The following ZBTB41 variants were observed in gnomAD, a reference collection of about 807,000 sequenced individuals.
ZBTB41 encodes zinc finger and BTB domain containing 41.
In ZBTB41, 42 loss-of-function variants were observed where a neutral mutation model predicts 87.6. That is an observed-to-expected ratio of 0.48 (90% CI 0.37 to 0.62). The LOEUF (loss-of-function observed/expected upper bound fraction) is 0.62, where lower values mean the gene tolerates loss of function less well. ZBTB41 is among the 20% of genes least tolerant of loss of function. The pLI, the probability that ZBTB41 is intolerant of heterozygous loss-of-function variation, is 0.00. For synonymous variants in ZBTB41, 364 were observed against 364.0 expected, an observed-to-expected ratio of 1.00 and a Z score of 0.00; for missense variants, 799 against 1,078.9, an observed-to-expected ratio of 0.74 and a Z score of 3.63.
At chr1:197,191,333 T>TGTAGTTCC (rs1287950995) in intron 3 of ZBTB41, among the ~76,000 whole-genome samples, 39 of 151,536 alleles carry the variant, frequency 2.6e-4, no homozygotes, top group African/African-American at 7.3e-4. Flanking sequence ...GGTGCACGCC[T>TGTAGTTCC]GTAGTTCCAG....
intron 7 of ZBTB41, among the ~76,000 whole-genome samples, chr1:197,177,972 G>C (rs766363890): frequency 5.9e-5 from 9 of 151,872 alleles, no homozygotes; most frequent in Non-Finnish European, 1.0e-4. Context: ...TGCAAATATG[G>C]TCAAGGATTC....
chr1:197,177,665 TATTAAG>T (rs927106468), intron 7 of ZBTB41, among the ~76,000 whole-genome samples: 29 of 152,122 alleles, frequency 1.9e-4, no homozygotes, highest in Admixed American at 7.2e-4. Context: ...AGGCTCAGAT[TATTAAG>T]ATTAATTTAA....
rs1200411101 is a variant in ZBTB41 at position 197,158,495 on chromosome 1, T to A, written c.*864A>T. 3.3e-5 allele frequency: 5 copies of A among 152,444 alleles called. No homozygotes were observed. The highest frequency in any genetic ancestry group is 7.4e-5 in the Non-Finnish European group (5 of 67,912). 9.4% of individuals were successfully genotyped at this position (152,444 alleles called of 1,614,324 possible). On this transcript the variant is annotated 3_prime_UTR_variant, in exon 11 of 11. Coordinates refer to ENST00000367405, the MANE Select transcript of ZBTB41 (RefSeq NM_194314.3). ...TTTCATTGAGTTACAACTGCTCTTT[T>A]CTTAGTGAGATGAAGACATATGCTA...
intron 5 of ZBTB41, 103 bp downstream of exon 5, chr1:197,188,189 G>T: frequency 7.3e-7 from 1 of 1,367,172 alleles, no homozygotes; most frequent in Non-Finnish European, 1.0e-6. Context: ...CTCTTAAAAA[G>T]TCTTTTAGAA....
At position 197,155,373 on chromosome 1, in the gene ZBTB41, AT is replaced by A. The variant is rs771952401; in HGVS notation, c.*3985del. ...TCATAACACCCATAACCAAAAAAAA[AT>A]AAAAATAAAAATCTATTAATCAGTA... On this transcript the variant is annotated 3_prime_UTR_variant, in exon 11 of 11. Coordinates refer to ENST00000367405, the MANE Select transcript of ZBTB41 (RefSeq NM_194314.3). 4 of 152,302 alleles carry A rather than the reference AT, an allele frequency of 2.6e-5. No individual in the cohort carries two copies. Among genetic ancestry groups the A allele is most frequent in the Non-Finnish European group, 2.9e-5 (2 of 67,858 alleles). The allele number at this position is 152,302 out of a possible 1,614,324, so 9.4% of individuals were successfully genotyped here. A position where few individuals can be genotyped will look rare whatever the true frequency, so the allele number is the denominator to read the frequency against.
chr1:197,196,236 G>A (rs1660158944), intron 2 of ZBTB41, among the ~76,000 whole-genome samples: 2 of 152,056 alleles, frequency 1.3e-5, no homozygotes, highest in South Asian at 4.2e-4. Flanking sequence ...GAGAATAATG[G>A]GAAGGTGGCG....
chr1:197,200,627 G>C (rs11811295), intron 1 of ZBTB41, 37 bp from the exon 2 acceptor site: 16,754 of 587,170 alleles, frequency 0.029, 2,038 homozygotes, highest in African/African-American at 0.27. Flanking sequence ...ATAACTCCAT[G>C]GCAAAGCAAT....
At chr1:197,162,618 T>C (rs1346713362) in intron 10 of ZBTB41, among the ~76,000 whole-genome samples, 1 of 152,178 alleles carries the variant, frequency 6.6e-6, no homozygotes, top group Non-Finnish European at 1.5e-5. Context: ...TCATGGCTCT[T>C]ACTGATGAGA....
rs1254069355 is a variant in ZBTB41, at chr1:197,191,688, T to C, written c.1328+4A>G. 1.2e-6 allele frequency: 2 copies of C among 1,609,378 alleles called. No individual in the cohort carries two copies. Among genetic ancestry groups the C allele is most frequent in the Non-Finnish European group, 8.5e-7 (1 of 1,177,774 alleles). ...GTATATTATGGAAGCAAGATAATAC[T>C]TGCCTCTTAACATGCTTGGCTAAAG... On this transcript the variant is annotated splice_donor_region_variant and intron_variant, in intron 3 of 10. Coordinates refer to ENST00000367405, the MANE Select transcript of ZBTB41 (RefSeq NM_194314.3).
rs1659150378 is a variant in ZBTB41, at chr1:197,159,573, A to C, written c.2516T>G (p.Leu839Arg). ...TTLPPSSHEILSPQPQSTDYP... is the reference protein window; with the variant it reads ...TTLPPSSHEIRSPQPQSTDYP... ...ATCAGTTGACTGTGGCTGTGGTGACAGAATCTCATGAGAAGATGGTGGGAG... is the reference window on the plus strand; with the variant it reads ...ATCAGTTGACTGTGGCTGTGGTGACCGAATCTCATGAGAAGATGGTGGGAG... The change falls in exon 11 of 11, where the codon CTG becomes CGG. Residue 839 changes from leucine (L) to arginine (R), a missense_variant. Leu to Arg is a moderately radical substitution (Grantham distance 102). Transcript: ENST00000367405. The C allele has an allele frequency of 1.2e-6, 2 of 1,613,990 alleles. No individual in the cohort carries two copies. The highest frequency in any genetic ancestry group is 4.5e-5 in the East Asian group (2 of 44,890).
intron 10 of ZBTB41, among the ~76,000 whole-genome samples, chr1:197,164,845 A>G (rs1372564150): frequency 8.1e-6 from 1 of 124,074 alleles, no homozygotes; most frequent in African/African-American, 3.2e-5. Context: ...TATATTATAT[A>G]TATTATATAT....
At position 197,180,470 on chromosome 1, in the gene ZBTB41, T is replaced by G. The variant is rs140831440; in HGVS notation, c.1676+518A>C. ...GATGAATCTGAAATAAAAGTAGAGTTTTGCCAGTAGATGGTGCTCTTCTAC... is the reference window on the plus strand; with the variant it reads ...GATGAATCTGAAATAAAAGTAGAGTGTTGCCAGTAGATGGTGCTCTTCTAC... On this transcript the variant is annotated intron_variant, in intron 6 of 10. Transcript: ENST00000367405. Among the ~76,000 whole-genome samples, 330 of 152,242 alleles carry G rather than the reference T, an allele frequency of 2.2e-3. 2 individuals carry two copies. The highest frequency in any genetic ancestry group is 7.5e-3 in the African/African-American group (313 of 41,546).
At chr1:197,180,884 T>C in intron 6 of ZBTB41, 104 bp downstream of exon 6, 1 of 1,226,414 alleles carries the variant, frequency 8.2e-7, no homozygotes, top group South Asian at 1.8e-5. Context: ...GCACAATTCA[T>C]GCATTTTGTG....
Position 197,159,240 on chromosome 1 carries a change from G to A in ZBTB41, c.*119C>T, listed in dbSNP as rs1659139321. On this transcript the variant is annotated 3_prime_UTR_variant, in exon 11 of 11. Transcript: ENST00000367405. ...CACATAGTTTTCTTGATTTGAAACT[G>A]TTCTGAGGACTTGAGAAACTAGAGA... is the stretch of plus-strand genomic sequence containing the variant. 1.0e-6 allele frequency: 1 copy of A among 975,726 alleles called. No individual in the cohort carries two copies. Among genetic ancestry groups the A allele is most frequent in the Non-Finnish European group, 1.5e-6 (1 of 658,526 alleles). 60.4% of individuals were successfully genotyped at this position (975,726 alleles called of 1,614,324 possible).
At chr1:197,195,393 T>C (rs933029175) in intron 2 of ZBTB41, among the ~76,000 whole-genome samples, 3 of 152,232 alleles carry the variant, frequency 2.0e-5, no homozygotes, top group African/African-American at 7.2e-5. Flanking sequence ...AGATTTTGTA[T>C]GCAGTTTTTA....
chr1:197,172,630 G>A (rs940286831), intron 9 of ZBTB41, among the ~76,000 whole-genome samples: 1 of 152,066 alleles, frequency 6.6e-6, no homozygotes, highest in Non-Finnish European at 1.5e-5. Flanking sequence ...GAGTTGTCTA[G>A]AAAGGGACAT....
rs1407333409 is a variant in ZBTB41 at position 197,157,865 on chromosome 1, T to C, written c.*1494A>G. On this transcript the variant is annotated 3_prime_UTR_variant, in exon 11 of 11. Transcript: ENST00000367405. ...TAAAACTTCACTGTTTTATTTGTGA[T>C]TTTTTTTTTCACAAGGGCTGGGCTA... The C allele has an allele frequency of 6.6e-6, 1 of 150,412 alleles. No homozygotes were observed. The highest frequency in any genetic ancestry group is 2.4e-5 in the African/African-American group (1 of 40,946). The allele number at this position is 150,412 out of a possible 1,614,324, so 9.3% of individuals were successfully genotyped here.
At chr1:197,165,326 G>A (rs1028271015) in intron 10 of ZBTB41, among the ~76,000 whole-genome samples, 1 of 151,872 alleles carries the variant, frequency 6.6e-6, no homozygotes, top group Non-Finnish European at 1.5e-5. Context: ...AATGAGGTAC[G>A]GAGCCAGGCA....
intron 10 of ZBTB41, among the ~76,000 whole-genome samples, chr1:197,164,888 A>C (rs1212381539): frequency 1.7e-3 from 213 of 121,952 alleles, no homozygotes; most frequent in Non-Finnish European, 2.8e-3. Flanking sequence ...TATATTATAT[A>C]TAATACATAT....
Sources: allele counts gnomAD v4.1 joint callset (sites outside exome capture counted in the v4.1 genomes callset), GRCh38; gene constraint gnomAD v4.1.1; transcripts MANE v1.5; gene names NCBI Gene and HGNC (gene_info 2026-07-23, HGNC 2026-07-21).